ATP2B4: variants seen among roughly 807,000 people sequenced by gnomAD.
The protein encoded by ATP2B4 is ATPase plasma membrane Ca2+ transporting 4.
In ATP2B4, 39 loss-of-function variants were observed where a neutral mutation model predicts 110.3. That is an observed-to-expected ratio of 0.35 (90% CI 0.27 to 0.46). The LOEUF (loss-of-function observed/expected upper bound fraction) is 0.46, where lower values mean the gene tolerates loss of function less well. Among genes scored for constraint, ATP2B4 ranks in the 20% least tolerant of loss-of-function variants. ATP2B4 has a pLI of 1.00. For missense variants in ATP2B4, 1,135 were observed against 1,530.9 expected (o/e 0.74, Z 4.32); for synonymous variants, 538 against 571.7 (o/e 0.94, Z 0.84).
intron 1 of ATP2B4, among the ~76,000 whole-genome samples, chr1:203,652,539 A>G (rs1355233252): frequency 6.6e-6 from 1 of 152,216 alleles, no homozygotes; most frequent in Non-Finnish European, 1.5e-5. Context: ...TTTTTATTTT[A>G]TTATTAAATA....
At chr1:203,646,998 A>C (rs1455233873) in intron 1 of ATP2B4, among the ~76,000 whole-genome samples, 2 of 152,072 alleles carry the variant, frequency 1.3e-5, no homozygotes, top group Admixed American at 6.6e-5. Context: ...ATTTTGATTT[A>C]ATTTTTTTTT....
intron 20 of ATP2B4, among the ~76,000 whole-genome samples, chr1:203,731,870 AGGAAGGAGGGAGG>A (rs1239533696): frequency 7.0e-6 from 1 of 142,770 alleles, no homozygotes; most frequent in Non-Finnish European, 1.5e-5. Context: ...AAAAAAAAAA[AGGAAGGAGGGAGG>A]AAGGAAGGAA....
In ATP2B4 at chr1:203,723,889, C is replaced by T. The variant is rs751638783; in HGVS notation, c.3033C>T (p.Ile1011=). 1.3e-5 allele frequency: 21 copies of T among 1,604,138 alleles called. No individual in the cohort carries two copies. The highest frequency in any genetic ancestry group is 4.5e-5 in the East Asian group (2 of 43,986). ...VLGTFICQIF[I]VEFGGKPFSC... ...CCCTTTCTCTGTTCTAGATTTTCAT[C>T]GTGGAATTTGGGGGTAAACCCTTCA... Residue 1011 remains isoleucine (I), a synonymous_variant, in exon 19 of 21, where the codon ATC becomes ATT. Coordinates refer to ENST00000357681, the MANE Select transcript of ATP2B4 (RefSeq NM_001684.5).
intron 15 of ATP2B4, among the ~76,000 whole-genome samples, chr1:203,717,158 T>A (rs1407055961): frequency 2.6e-5 from 4 of 152,016 alleles, no homozygotes; most frequent in Non-Finnish European, 4.4e-5. Context: ...AGATCACGCC[T>A]CTGCATTCCA....
At chr1:203,735,676 A>T (rs920422845) in intron 20 of ATP2B4, among the ~76,000 whole-genome samples, 3 of 152,214 alleles carry the variant, frequency 2.0e-5, no homozygotes, top group African/African-American at 7.2e-5. Flanking sequence ...TTTAGGTCAA[A>T]AAAACAGGCA....
intron 20 of ATP2B4, among the ~76,000 whole-genome samples, chr1:203,731,094 G>T (rs1044209327): frequency 6.6e-6 from 1 of 152,154 alleles, no homozygotes; most frequent in Non-Finnish European, 1.5e-5. Flanking sequence ...ACTGAAGAAG[G>T]TGTCTCTACA....
chr1:203,713,906 C>G (rs1030375201), intron 14 of ATP2B4, among the ~76,000 whole-genome samples: 2 of 152,132 alleles, frequency 1.3e-5, no homozygotes, highest in Non-Finnish European at 2.9e-5. Context: ...CCAGCTGGTA[C>G]GTGGAAATGG....
At chr1:203,721,888 C>T (rs974615234) in intron 17 of ATP2B4, among the ~76,000 whole-genome samples, 3 of 151,968 alleles carry the variant, frequency 2.0e-5, no homozygotes, top group Non-Finnish European at 4.4e-5. Context: ...GGCTCGATCT[C>T]CTGACCTTGT....
chr1:203,717,264 G>A (rs902956938), intron 15 of ATP2B4, among the ~76,000 whole-genome samples: 3 of 151,930 alleles, frequency 2.0e-5, no homozygotes, highest in African/African-American at 7.3e-5. Flanking sequence ...CTACCTGAAA[G>A]GTAGGTTTTT....
chr1:203,647,821 T>C (rs1281981968), intron 1 of ATP2B4, among the ~76,000 whole-genome samples: 1 of 152,158 alleles, frequency 6.6e-6, no homozygotes, highest in African/African-American at 2.4e-5. Context: ...CCATAGCCTT[T>C]GCTTTGGAAG....
intron 1 of ATP2B4, among the ~76,000 whole-genome samples, chr1:203,644,318 C>G (rs1445355254): frequency 1.3e-5 from 2 of 150,524 alleles, no homozygotes; most frequent in African/African-American, 4.9e-5. Context: ...AAAATTTTCT[C>G]TAAACAAACA....
intron 1 of ATP2B4, among the ~76,000 whole-genome samples, chr1:203,637,023 A>G (rs975727154): frequency 1.3e-5 from 2 of 152,194 alleles, no homozygotes; most frequent in Non-Finnish European, 2.9e-5. Flanking sequence ...TAATTCTGCT[A>G]TGTCCTAGGC....
intron 2 of ATP2B4, among the ~76,000 whole-genome samples, chr1:203,695,991 G>T (rs1436631231): frequency 6.6e-6 from 1 of 152,148 alleles, no homozygotes; most frequent in Non-Finnish European, 1.5e-5. Context: ...GCAGTTGCAT[G>T]ATCTCAGCTC....
At chr1:203,662,244 T>C (rs1160507325) in intron 1 of ATP2B4, among the ~76,000 whole-genome samples, 2 of 152,210 alleles carry the variant, frequency 1.3e-5, no homozygotes, top group African/African-American at 2.4e-5. Flanking sequence ...GCCAGGATGG[T>C]CTCGATCTCC....
chr1:203,713,396 G>T, intron 14 of ATP2B4, 144 bp downstream of exon 14: 1 of 747,156 alleles, frequency 1.3e-6, no homozygotes, highest in Admixed American at 2.6e-5. Context: ...AGAACATACA[G>T]TTAGCAAACA....
rs778101344 is a variant in ATP2B4, at chr1:203,720,531, C to T, written c.2407-18C>T. On this transcript the variant is annotated intron_variant, in intron 15 of 20. Transcript: ENST00000357681. ...CTTTATCCACTCCCTCACTGTTTTC[C>T]CTCCCATCTTACCTCAGGGCATCGC... 3.2e-6 allele frequency: 5 copies of T among 1,583,538 alleles called. No individual in the cohort carries two copies. The Admixed American group carries it at 5.2e-5, about 17-fold the overall frequency.
At chr1:203,645,879 G>A (rs753205377) in intron 1 of ATP2B4, among the ~76,000 whole-genome samples, 21 of 152,132 alleles carry the variant, frequency 1.4e-4, no homozygotes, top group East Asian at 7.7e-4. Context: ...GTGAGCCACC[G>A]TGCCCGGCCG....
intron 2 of ATP2B4, among the ~76,000 whole-genome samples, chr1:203,691,499 T>C (rs1665371343): frequency 6.6e-6 from 1 of 152,160 alleles, no homozygotes; most frequent in Non-Finnish European, 1.5e-5. Context: ...TGGGCCACAG[T>C]TGCTGTTTTC....
chr1:203,628,483 T>A (rs962142266), intron 1 of ATP2B4, among the ~76,000 whole-genome samples: 5 of 151,918 alleles, frequency 3.3e-5, no homozygotes, highest in Non-Finnish European at 5.9e-5. Flanking sequence ...GCAGGGGGAA[T>A]GTCAGATGAA....
Sources: gnomAD v4.1 joint callset for allele counts (sites outside exome capture counted in the v4.1 genomes callset) on GRCh38, gnomAD v4.1.1 for gene constraint, MANE v1.5 for transcripts, NCBI Gene and HGNC (gene_info 2026-07-23, HGNC 2026-07-21) for gene names.